Variants in PPARGC1A observed in about 807,000 individuals in gnomAD.
The protein encoded by PPARGC1A is PPARG coactivator 1 alpha.
A neutral mutation model predicts 88.7 loss-of-function variants in PPARGC1A; 25 were observed. The ratio of observed to expected loss-of-function variants is 0.28; its 90% CI spans 0.21 to 0.39. The LOEUF (loss-of-function observed/expected upper bound fraction) is 0.39, where lower values mean the gene tolerates loss of function less well. PPARGC1A is among the 10% of genes least tolerant of loss of function. The probability of loss-of-function intolerance (pLI) is 1.00; values close to 1 mark genes in which losing one functional copy is unlikely to be tolerated. For missense variants in PPARGC1A, 880 were observed against 968.7 expected (o/e 0.91, Z 1.22); for synonymous variants, 363 against 355.6 (o/e 1.02, Z -0.24).
chr4:24,308,019 C>T, the PPARGC1A span, among the ~76,000 whole-genome samples: 9 of 152,038 alleles, frequency 5.9e-5, no homozygotes, highest in African/African-American at 9.7e-5. Flanking sequence ...GGGCTGGGTG[C>T]GGTGGCTCAT....
chr4:24,053,410 A>C, the PPARGC1A span, among the ~76,000 whole-genome samples: 10 of 152,208 alleles, frequency 6.6e-5, no homozygotes, highest in African/African-American at 2.4e-4. Flanking sequence ...CTATGGGTGA[A>C]AGTTGCATGC....
At chr4:24,119,228 C>G in the PPARGC1A span, among the ~76,000 whole-genome samples, 1 of 152,062 alleles carries the variant, frequency 6.6e-6, no homozygotes, top group Non-Finnish European at 1.5e-5. Context: ...AAATGCTGCC[C>G]CCACCTTTGG....
chr4:24,057,821 T>C, the PPARGC1A span, among the ~76,000 whole-genome samples: 2 of 152,200 alleles, frequency 1.3e-5, no homozygotes, highest in Non-Finnish European at 2.9e-5. Context: ...AGTGTGGTGG[T>C]GGCGAGACAC....
the PPARGC1A span, among the ~76,000 whole-genome samples, chr4:24,403,507 C>T: frequency 1.3e-5 from 2 of 152,190 alleles, no homozygotes; most frequent in African/African-American, 4.8e-5. Context: ...GCAAAGGCCA[C>T]CCAGCACAGC....
chr4:24,160,687 C>T, the PPARGC1A span, among the ~76,000 whole-genome samples: 1 of 152,200 alleles, frequency 6.6e-6, no homozygotes, highest in South Asian at 2.1e-4. Flanking sequence ...TATATTGTCC[C>T]TTCCCCTTGT....
At chr4:24,404,968 G>GATCACTTT in the PPARGC1A span, among the ~76,000 whole-genome samples, 1 of 151,942 alleles carries the variant, frequency 6.6e-6, no homozygotes, top group African/African-American at 2.4e-5. Flanking sequence ...GATCACTTAC[G>GATCACTTT]CACACTTTCA....
chr4:23,849,327 C>T (rs987981318), intron 2 of PPARGC1A, among the ~76,000 whole-genome samples: 2 of 152,174 alleles, frequency 1.3e-5, no homozygotes, highest in Non-Finnish European at 2.9e-5. Flanking sequence ...TAAGAAGGAA[C>T]GCTAGGAAAC....
chr4:24,277,669 A>G, the PPARGC1A span, among the ~76,000 whole-genome samples: 1 of 152,200 alleles, frequency 6.6e-6, no homozygotes. Flanking sequence ...CTGATGGGAA[A>G]TAAAATTCCC....
chr4:24,407,848 C>T, the PPARGC1A span, among the ~76,000 whole-genome samples: 3 of 152,264 alleles, frequency 2.0e-5, no homozygotes, highest in Admixed American at 6.5e-5. Flanking sequence ...ATAGTTAGCA[C>T]ACAGTAAATG....
At chr4:24,380,373 G>A in the PPARGC1A span, among the ~76,000 whole-genome samples, 1 of 152,198 alleles carries the variant, frequency 6.6e-6, no homozygotes, top group South Asian at 2.1e-4. Flanking sequence ...AGCTTGAAGA[G>A]CTTCACTGGA....
At chr4:24,393,173 A>T in the PPARGC1A span, among the ~76,000 whole-genome samples, 1 of 152,162 alleles carries the variant, frequency 6.6e-6, no homozygotes, top group Non-Finnish European at 1.5e-5. Context: ...AGGTGCTACA[A>T]AGGCCTCAGT....
the PPARGC1A span, among the ~76,000 whole-genome samples, chr4:24,276,571 T>G: frequency 7.2e-5 from 11 of 152,188 alleles, no homozygotes; most frequent in African/African-American, 2.2e-4. Context: ...GTGATCATAT[T>G]TGAGAGGCAT....
the PPARGC1A span, among the ~76,000 whole-genome samples, chr4:24,132,049 G>A: frequency 3.9e-5 from 6 of 152,174 alleles, no homozygotes; most frequent in Admixed American, 3.9e-4. Context: ...ATTGGCCGCG[G>A]GCATTTCCTG....
chr4:23,881,915 A>ACAAAC (rs1716016948), intron 2 of PPARGC1A: 1 of 152,224 alleles, frequency 6.6e-6, no homozygotes, highest in African/African-American at 2.4e-5. Flanking sequence ...TAGAAGCAAC[A>ACAAAC]CAAACCTGTG....
At chr4:24,204,162 G>C in the PPARGC1A span, among the ~76,000 whole-genome samples, 1 of 152,222 alleles carries the variant, frequency 6.6e-6, no homozygotes, top group Admixed American at 6.5e-5. Context: ...AACACAGCAT[G>C]ATGTCAATAA....
the PPARGC1A span, among the ~76,000 whole-genome samples, chr4:24,033,410 G>GACACGC: frequency 2.0e-5 from 3 of 150,954 alleles, no homozygotes; most frequent in Admixed American, 2.0e-4. Flanking sequence ...TAGACAGACA[G>GACACGC]ACACACACAC....
the PPARGC1A span, among the ~76,000 whole-genome samples, chr4:24,437,638 T>TG: frequency 2.7e-5 from 4 of 148,526 alleles, no homozygotes; most frequent in African/African-American, 7.4e-5. Flanking sequence ...TTGTTGTTGT[T>TG]TTAGTTTTGG....
chr4:23,870,031 G>A (rs186711863), intron 2 of PPARGC1A, among the ~76,000 whole-genome samples: 10 of 152,214 alleles, frequency 6.6e-5, no homozygotes, highest in Admixed American at 4.6e-4. Flanking sequence ...AATGAAGTTC[G>A]GTATTTCATG....
chr4:24,382,993 C>G, the PPARGC1A span, among the ~76,000 whole-genome samples: 9 of 152,298 alleles, frequency 5.9e-5, no homozygotes, highest in East Asian at 1.7e-3. Flanking sequence ...AGAGCTCCAG[C>G]TGGCTGACTC....
Sources: gnomAD v4.1 joint callset for allele counts (sites outside exome capture counted in the v4.1 genomes callset) on GRCh38, gnomAD v4.1.1 for gene constraint, MANE v1.5 for transcripts, NCBI Gene and HGNC (gene_info 2026-07-23, HGNC 2026-07-21) for gene names.